The following ALDH1L2 variants were observed in gnomAD, a reference collection of about 807,000 sequenced individuals.
ALDH1L2 encodes the protein mitochondrial 10-formyltetrahydrofolate dehydrogenase.
Under a neutral mutation model 111.0 loss-of-function variants are expected in ALDH1L2, and 91 were observed. The observed-to-expected ratio is 0.82, with a 90% confidence interval of 0.69 to 0.98. The LOEUF is 0.98. Ranked by LOEUF, ALDH1L2 falls within the 50% of genes least tolerant of loss-of-function variation. The pLI is 0.00. For missense variants in ALDH1L2, 995 were observed against 1,126.8 expected, an observed-to-expected ratio of 0.88 and a Z score of 1.67; for synonymous variants, 374 against 392.6, an observed-to-expected ratio of 0.95 and a Z score of 0.56.
chr12:105,028,824 A>T (rs1233366761), intron 21 of ALDH1L2, among the ~76,000 whole-genome samples: 1 of 152,202 alleles, frequency 6.6e-6, no homozygotes, highest in African/African-American at 2.4e-5. Flanking sequence ...TGACTTAGTA[A>T]TACTCAGAAT....
intron 2 of ALDH1L2, among the ~76,000 whole-genome samples, chr12:105,073,582 A>G (rs1877862196): frequency 6.6e-6 from 1 of 152,188 alleles, no homozygotes; most frequent in Non-Finnish European, 1.5e-5. Context: ...AGTTTAGCTG[A>G]ATGCATAGCC....
chr12:105,062,097 G>T (rs1212226337), intron 7 of ALDH1L2, among the ~76,000 whole-genome samples: 3 of 152,212 alleles, frequency 2.0e-5, no homozygotes, highest in African/African-American at 4.8e-5. Context: ...CTGAGCACTT[G>T]CCCTGTACCA....
At position 105,052,226 on chromosome 12, in the gene ALDH1L2, AG is replaced by A; in HGVS notation, c.1408-10del. On this transcript the variant is annotated splice_polypyrimidine_tract_variant and intron_variant, in intron 11 of 22. Coordinates refer to ENST00000258494, the MANE Select transcript of ALDH1L2 (RefSeq NM_001034173.4). Reference sequence around the variant, plus strand: ...GATACTTTGCATATTGTCTATTTCAAGGTAAGTAAAAATAGGCCCCATGAGA... The same window carrying A: ...GATACTTTGCATATTGTCTATTTCAAGTAAGTAAAAATAGGCCCCATGAGA... The A allele has an allele frequency of 6.3e-7, 1 of 1,590,326 alleles. No individual in the cohort carries two copies.
intron 19 of ALDH1L2, among the ~76,000 whole-genome samples, chr12:105,032,618 G>A (rs945235058): frequency 1.3e-5 from 2 of 152,154 alleles, no homozygotes; most frequent in Non-Finnish European, 2.9e-5. Flanking sequence ...GAGGGGTTAA[G>A]TAAGTGCACC....
chr12:105,030,241 T>C (rs1465583927), intron 21 of ALDH1L2, 83 bp downstream of exon 21: 6 of 838,216 alleles, frequency 7.2e-6, no homozygotes, highest in Non-Finnish European at 1.1e-5. Flanking sequence ...ATTAATCTTA[T>C]GCTGTGTATA....
At chr12:105,052,252 A>G in intron 11 of ALDH1L2, 35 bp from the exon 12 acceptor site, 2 of 1,528,548 alleles carry the variant, frequency 1.3e-6, no homozygotes, top group South Asian at 2.6e-5. Flanking sequence ...GCCCCATGAG[A>G]GATATGAAAA....
chr12:105,032,092 T>G (rs1874733540), intron 19 of ALDH1L2, among the ~76,000 whole-genome samples, 158 bp from the exon 20 acceptor site: 1 of 151,046 alleles, frequency 6.6e-6, no homozygotes, highest in African/African-American at 2.4e-5. Flanking sequence ...TTTTTTTTCC[T>G]TTTTGGAGAC....
intron 20 of ALDH1L2, among the ~76,000 whole-genome samples, chr12:105,030,854 A>T (rs554568964): frequency 7.2e-5 from 11 of 152,324 alleles, no homozygotes; most frequent in African/African-American, 1.9e-4. Context: ...CAGAGTTTAT[A>T]TTTTAATTTC....
chr12:105,044,887 A>T (rs1875748403), intron 15 of ALDH1L2, among the ~76,000 whole-genome samples: 1 of 148,236 alleles, frequency 6.7e-6, no homozygotes, highest in Non-Finnish European at 1.5e-5. Flanking sequence ...AAAAGTTAGA[A>T]TTTTTTTTTT....
chr12:105,041,607 A>G (rs921109598), intron 15 of ALDH1L2, among the ~76,000 whole-genome samples: 2 of 152,168 alleles, frequency 1.3e-5, no homozygotes, highest in South Asian at 2.1e-4. Flanking sequence ...TAATTTCTGG[A>G]TAATAATCCT....
At chr12:105,044,628 C>A (rs370851491) in intron 15 of ALDH1L2, among the ~76,000 whole-genome samples, 1 of 88,424 alleles carries the variant, frequency 1.1e-5, no homozygotes, top group East Asian at 4.2e-4. Flanking sequence ...TGCTGGTGAG[C>A]TAATATGACC....
intron 19 of ALDH1L2, among the ~76,000 whole-genome samples, chr12:105,032,478 A>G (rs1416042467): frequency 3.3e-5 from 5 of 151,970 alleles, no homozygotes; most frequent in South Asian, 2.1e-4. Flanking sequence ...ACCTCAGGCA[A>G]TCCACCCGCA....
At position 105,074,233 on chromosome 12, in the gene ALDH1L2, G is replaced by A. The variant is rs1201134107; in HGVS notation, c.49-228C>T. On this transcript the variant is annotated intron_variant, in intron 1 of 22. Transcript: ENST00000258494. ...AGCACTTTGGGAGGCCGAGGTGGGC[G>A]GATCACCTGAGGTCAGGAGTTTGAA... is the stretch of plus-strand genomic sequence containing the variant. The A allele has an allele frequency of 4.6e-5, 19 of 409,268 alleles. 1 individual carries two copies. Among genetic ancestry groups the A allele is most frequent in the Admixed American group, 1.1e-4 (3 of 26,180 alleles). The allele number at this position is 409,268 out of a possible 1,614,324, so 25.4% of individuals were successfully genotyped here. A position where few individuals can be genotyped will look rare whatever the true frequency, so the allele number is the denominator to read the frequency against.
intron 2 of ALDH1L2, among the ~76,000 whole-genome samples, chr12:105,073,414 G>C (rs1490488299): frequency 4.7e-5 from 2 of 42,226 alleles, no homozygotes; most frequent in Non-Finnish European, 1.6e-4. Flanking sequence ...ATGGAAAGGG[G>C]GTCCTGACCC....
chr12:105,077,847 C>A (rs574641399), intron 1 of ALDH1L2, among the ~76,000 whole-genome samples: 2 of 151,834 alleles, frequency 1.3e-5, no homozygotes, highest in African/African-American at 4.8e-5. Flanking sequence ...GCTAATAGAA[C>A]CATCTGGGCA....
rs1874172845 is a variant in ALDH1L2 at position 105,021,728 on chromosome 12, A to C, written c.*2696T>G. The C allele has an allele frequency of 1.3e-5, 2 of 152,222 alleles. No individual in the cohort carries two copies. 9.4% of individuals were successfully genotyped at this position (152,222 alleles called of 1,614,324 possible). ...AGGTCTTTCATACAGGAGGCCCTTA[A>C]TAAATGGTAGCTGTCATATCGTATT... On this transcript the variant is annotated 3_prime_UTR_variant, in exon 23 of 23. Transcript: ENST00000258494.
At chr12:105,082,289 C>G (rs1037636202) in intron 1 of ALDH1L2, among the ~76,000 whole-genome samples, 10 of 152,164 alleles carry the variant, frequency 6.6e-5, no homozygotes, top group African/African-American at 1.4e-4. Context: ...GTCACGTAAC[C>G]ACTACCATAA....
At chr12:105,032,073 G>C in intron 19 of ALDH1L2, 139 bp from the exon 20 acceptor site, 1 of 761,834 alleles carries the variant, frequency 1.3e-6, no homozygotes, top group Non-Finnish European at 1.9e-6. Context: ...GTAGGTGGTT[G>C]GTTTTTTTTT....
chr12:105,076,002 T>G (rs1878035887), intron 1 of ALDH1L2, among the ~76,000 whole-genome samples: 1 of 152,152 alleles, frequency 6.6e-6, no homozygotes, highest in Non-Finnish European at 1.5e-5. Flanking sequence ...GCCAGGCTGG[T>G]CTCAAACTCC....
Sources: allele counts gnomAD v4.1 joint callset (sites outside exome capture counted in the v4.1 genomes callset), GRCh38; gene constraint gnomAD v4.1.1; transcripts MANE v1.5; gene names NCBI Gene and HGNC (gene_info 2026-07-23, HGNC 2026-07-21).